Variants in ATXN8OS observed in about 807,000 individuals in gnomAD.
ATXN8OS encodes ATXN8 opposite strand (non-protein coding).
At chr13:70,120,378 G>A (rs560460590) in intron 2 of ATXN8OS, among the ~76,000 whole-genome samples, 5 of 152,270 alleles carry the variant, frequency 3.3e-5, no homozygotes, top group African/African-American at 1.2e-4. Context: ...TTTAACTAAT[G>A]TAACATTTGG....
In ATXN8OS at chr13:70,127,022, T is replaced by C. The variant is rs115067002; in HGVS notation, n.399-2762T>C. ...TGGATTTATATACAGTTTTGTATTA[T>C]GAATCTTAAGCTCTGTCACTCTATC... On this transcript the variant is annotated intron_variant and non_coding_transcript_variant, in intron 2 of 4. Transcript: ENST00000678624. Among the ~76,000 whole-genome samples, 425 of 152,088 alleles carry C rather than the reference T, an allele frequency of 2.8e-3. 3 individuals carry two copies. Among genetic ancestry groups the C allele is most frequent in the African/African-American group, 9.7e-3 (403 of 41,584 alleles).
At chr13:70,128,428 C>G (rs2137481059) in intron 2 of ATXN8OS, among the ~76,000 whole-genome samples, 1 of 152,114 alleles carries the variant, frequency 6.6e-6, no homozygotes, top group East Asian at 1.9e-4. Context: ...TTGAAGGAAT[C>G]AAAAGGCTGA....
At chr13:70,158,748 T>A (rs1383521997) in intron 4 of ATXN8OS, among the ~76,000 whole-genome samples, 2 of 152,168 alleles carry the variant, frequency 1.3e-5, no homozygotes, top group Non-Finnish European at 2.9e-5. Flanking sequence ...GGGCACTGGA[T>A]TTTGAATATC....
chr13:70,110,106 T>C (rs1315154395), intron 1 of ATXN8OS, among the ~76,000 whole-genome samples: 1 of 152,154 alleles, frequency 6.6e-6, no homozygotes, highest in Non-Finnish European at 1.5e-5. Context: ...TAAAGGACAA[T>C]ATTTTATATG....
At chr13:70,122,249 C>A (rs1300785132) in intron 2 of ATXN8OS, among the ~76,000 whole-genome samples, 2 of 151,762 alleles carry the variant, frequency 1.3e-5, no homozygotes, top group Non-Finnish European at 2.9e-5. Flanking sequence ...ACCATTCTAG[C>A]CTCAATTCCT....
At chr13:70,152,046 C>T (rs57457962) in intron 4 of ATXN8OS, among the ~76,000 whole-genome samples, 3 of 152,000 alleles carry the variant, frequency 2.0e-5, no homozygotes, top group South Asian at 2.1e-4. Flanking sequence ...TACCTGTTTC[C>T]GTCCTGTCAT....
chr13:70,107,636 A>G (rs778959588), upstream of ATXN8OS: 1 of 1,566,820 alleles, frequency 6.4e-7, no homozygotes, highest in Non-Finnish European at 8.6e-7. Flanking sequence ...GGGTGGCTGA[A>G]GAGTTTCCAG....
At chr13:70,139,884 G>A (rs564982331) in intron 3 of ATXN8OS, among the ~76,000 whole-genome samples, 19 of 152,088 alleles carry the variant, frequency 1.2e-4, no homozygotes, top group South Asian at 1.0e-3. Flanking sequence ...TTTTAATCAC[G>A]ATTTTTGAAA....
upstream of ATXN8OS, chr13:70,107,575 CCGTCCTGT>C: frequency 6.2e-7 from 1 of 1,605,784 alleles, no homozygotes; most frequent in Non-Finnish European, 8.5e-7. Flanking sequence ...GCTGCCACTG[CCGTCCTGT>C]TGCAGGCAGC....
chr13:70,139,351 T>TTACTACTACTACTACTACTAC lies in ATXN8OS; in HGVS notation n.500-7990_500-7970dup, dbSNP rs375568204. ...GTCCTTCATGTTAGAAAACCTGGCT[T>TTACTACTACTACTACTACTAC]TACTACTACTACTACTACTACTACT... On this transcript the variant is annotated intron_variant and non_coding_transcript_variant, in intron 3 of 4. Transcript: ENST00000678624. 94 of 548,268 alleles carry TTACTACTACTACTACTACTAC rather than the reference T, an allele frequency of 1.7e-4. 2 individuals carry two copies. Among genetic ancestry groups the TTACTACTACTACTACTACTAC allele is most frequent in the African/African-American group, 2.6e-4 (13 of 49,844 alleles). 34.0% of individuals were successfully genotyped at this position (548,268 alleles called of 1,614,324 possible).
intron 1 of ATXN8OS, among the ~76,000 whole-genome samples, chr13:70,108,649 C>T (rs1888145667): frequency 6.6e-6 from 1 of 152,190 alleles, no homozygotes; most frequent in Non-Finnish European, 1.5e-5. Flanking sequence ...CGCTACATTA[C>T]TGTGTAGCAA....
chr13:70,108,528 T>TGGAGGGAG (rs912195693), intron 1 of ATXN8OS: 2 of 137,648 alleles, frequency 1.5e-5, no homozygotes, highest in Admixed American at 7.1e-5. Flanking sequence ...TACGGAGAGA[T>TGGAGGGAG]GGAGGGAGGG....
At chr13:70,164,232 CT>C (rs1210688062) in intron 4 of ATXN8OS, among the ~76,000 whole-genome samples, 6 of 150,846 alleles carry the variant, frequency 4.0e-5, no homozygotes, top group East Asian at 1.9e-4. Context: ...CCAAGGTTAC[CT>C]TTTTTTTGAA....
At chr13:70,120,124 T>G (rs2137474492) in intron 2 of ATXN8OS, among the ~76,000 whole-genome samples, 1 of 152,294 alleles carries the variant, frequency 6.6e-6, no homozygotes, top group Non-Finnish European at 1.5e-5. Context: ...TGCAATTTTT[T>G]CTTGTTATTT....
chr13:70,126,233 T>G (rs191670361), intron 2 of ATXN8OS, among the ~76,000 whole-genome samples: 2 of 152,278 alleles, frequency 1.3e-5, no homozygotes, highest in African/African-American at 4.8e-5. Context: ...CATGATACAC[T>G]GCAAGCAAAG....
chr13:70,108,053 G>C (rs114319760), intron 1 of ATXN8OS: 5,807 of 424,808 alleles, frequency 0.014, 122 homozygotes, highest in African/African-American at 0.065. Flanking sequence ...ATGCGCGAGG[G>C]AGGGAGGTCT....
chr13:70,108,218 G>A (rs1043878926), intron 1 of ATXN8OS: 2 of 394,084 alleles, frequency 5.1e-6, no homozygotes, highest in Non-Finnish European at 8.9e-6. Context: ...CCCAAGTCTC[G>A]AGGAAGCGTA....
intron 2 of ATXN8OS, among the ~76,000 whole-genome samples, chr13:70,119,165 T>C (rs1180070606): frequency 6.6e-6 from 1 of 152,042 alleles, no homozygotes; most frequent in African/African-American, 2.4e-5. Context: ...CCCTTACTCT[T>C]ATAATATACA....
In ATXN8OS at chr13:70,108,041, A is replaced by G. The variant is rs1888120296; in HGVS notation, n.240+22A>G. 3.5e-5 allele frequency: 15 copies of G among 425,686 alleles called. No individual in the cohort carries two copies. The East Asian group carries it at 5.1e-4, about 15-fold the overall frequency. 26.4% of individuals were successfully genotyped at this position (425,686 alleles called of 1,614,324 possible). On this transcript the variant is annotated intron_variant and non_coding_transcript_variant, in intron 1 of 4. Coordinates refer to ENST00000678624, the Ensembl canonical transcript of ATXN8OS. ...CGAGGTGGGACAACCCTTAGGCTGG[A>G]GATGCGCGAGGGAGGGAGGTCTGAG... is the stretch of plus-strand genomic sequence containing the variant.
Sources: gnomAD v4.1 joint callset for allele counts (sites outside exome capture counted in the v4.1 genomes callset) on GRCh38, gnomAD v4.1.1 for gene constraint, MANE v1.5 for transcripts, NCBI Gene and HGNC (gene_info 2026-07-23, HGNC 2026-07-21) for gene names.